Variants in MTMR7 observed in about 807,000 individuals in gnomAD.
MTMR7 encodes myotubularin related protein 7, also known as phosphatidylinositol-3-phosphate phosphatase MTMR7.
A neutral mutation model predicts 81.2 loss-of-function variants in MTMR7; 76 were observed. That is an observed-to-expected ratio of 0.94 (90% CI 0.78 to 1.13). The LOEUF (loss-of-function observed/expected upper bound fraction) is 1.13. Among genes scored for constraint, MTMR7 ranks in the 50% most tolerant of loss-of-function variants. The pLI is 0.00. For missense variants in MTMR7, 1,044 were observed against 820.0 expected, an observed-to-expected ratio of 1.27 and a Z score of -3.34; for synonymous variants, 372 against 289.8, an observed-to-expected ratio of 1.28 and a Z score of -2.88.
chr8:17,402,370 T>A (rs541730074), intron 1 of MTMR7, among the ~76,000 whole-genome samples: 18 of 152,284 alleles, frequency 1.2e-4, no homozygotes, highest in Admixed American at 4.6e-4. Context: ...TCTGTAGCCG[T>A]TAACAATTGC....
At chr8:17,327,463 T>G (rs1586194663) in intron 7 of MTMR7, among the ~76,000 whole-genome samples, 2 of 152,182 alleles carry the variant, frequency 1.3e-5, no homozygotes, top group South Asian at 4.1e-4. Flanking sequence ...AAATTTTCTG[T>G]AGAGACAGGG....
At chr8:17,309,358 A>C (rs1193532591) in intron 9 of MTMR7, 32 bp from the exon 10 acceptor site, 1 of 1,422,516 alleles carries the variant, frequency 7.0e-7, no homozygotes, top group East Asian at 2.3e-5. Flanking sequence ...TATCTTGGAG[A>C]GAAGCAAACG....
At chr8:17,398,584 G>C (rs1001183954) in intron 1 of MTMR7, among the ~76,000 whole-genome samples, 1 of 152,100 alleles carries the variant, frequency 6.6e-6, no homozygotes, top group African/African-American at 2.4e-5. Context: ...GCAAATCTAA[G>C]AGTTACTGGC....
At chr8:17,363,548 C>T (rs1820121496) in intron 3 of MTMR7, among the ~76,000 whole-genome samples, 1 of 152,284 alleles carries the variant, frequency 6.6e-6, no homozygotes, top group African/African-American at 2.4e-5. Context: ...AAGCAGATCA[C>T]TGTTGAACTA....
chr8:17,389,984 G>A (rs1266793496), intron 1 of MTMR7, among the ~76,000 whole-genome samples: 1 of 151,802 alleles, frequency 6.6e-6, no homozygotes, highest in Non-Finnish European at 1.5e-5. Context: ...AGTGCTGGGG[G>A]CACATGAATT....
chr8:17,406,138 AG>A (rs1821576209), intron 1 of MTMR7, among the ~76,000 whole-genome samples: 1 of 152,228 alleles, frequency 6.6e-6, no homozygotes, highest in African/African-American at 2.4e-5. Flanking sequence ...AAGTGACAAA[AG>A]AAAAAATAAG....
intron 3 of MTMR7, among the ~76,000 whole-genome samples, chr8:17,363,545 T>C (rs892507034): frequency 2.0e-5 from 3 of 152,184 alleles, no homozygotes; most frequent in Non-Finnish European, 4.4e-5. Flanking sequence ...ATTAAGCAGA[T>C]CACTGTTGAA....
At chr8:17,355,004 AG>A (rs1479673408) in intron 4 of MTMR7, among the ~76,000 whole-genome samples, 5 of 151,892 alleles carry the variant, frequency 3.3e-5, no homozygotes, top group African/African-American at 1.2e-4. Context: ...GCTTCTGAAA[AG>A]AAATGCTGAG....
At chr8:17,313,704 G>T (rs1053911786) in intron 7 of MTMR7, among the ~76,000 whole-genome samples, 1 of 152,044 alleles carries the variant, frequency 6.6e-6, no homozygotes, top group Non-Finnish European at 1.5e-5. Context: ...AGAAAATATC[G>T]ATTTGCCTTT....
intron 4 of MTMR7, among the ~76,000 whole-genome samples, chr8:17,351,139 A>G (rs1444458408): frequency 6.6e-6 from 1 of 152,246 alleles, no homozygotes; most frequent in Non-Finnish European, 1.5e-5. Context: ...TTTTCCTAAA[A>G]TAACAGTTTT....
chr8:17,304,397 G>T lies in MTMR7; in HGVS notation c.1475C>A (p.Pro492Gln). 6.8e-6 allele frequency: 11 copies of T among 1,612,904 alleles called. No individual in the cohort carries two copies. The highest frequency in any genetic ancestry group is 9.3e-6 in the Non-Finnish European group (11 of 1,179,092). The change falls in exon 12 of 14, where the codon CCA (proline) becomes CAA (glutamine). Residue 492 changes from proline to glutamine, a missense_variant. Physicochemically the swap from Pro to Gln is moderately conservative, Grantham distance 76. Transcript: ENST00000180173. ...TQGTLHLPTTPCNFMYKFWSG... is the reference protein window; with the variant it reads ...TQGTLHLPTTQCNFMYKFWSG... Reference sequence around the variant, plus strand: ...TACATACTTGTACATGAAGTTACATGGTGTTGTAGGGAGATGAAGGGTTCC... The same window carrying T: ...TACATACTTGTACATGAAGTTACATTGTGTTGTAGGGAGATGAAGGGTTCC...
chr8:17,379,212 G>A (rs746793235), intron 1 of MTMR7, among the ~76,000 whole-genome samples: 3 of 152,162 alleles, frequency 2.0e-5, no homozygotes, highest in African/African-American at 7.2e-5. Flanking sequence ...AGCAGGAGGG[G>A]TCCTGGAAGC....
intron 1 of MTMR7, among the ~76,000 whole-genome samples, chr8:17,380,991 G>A (rs933287883): frequency 1.3e-5 from 2 of 152,080 alleles, no homozygotes; most frequent in Non-Finnish European, 2.9e-5. Flanking sequence ...GGTATTCTCA[G>A]AACTAATGAA....
At chr8:17,301,808 T>A in intron 13 of MTMR7, 1 of 314,648 alleles carries the variant, frequency 3.2e-6, no homozygotes, top group East Asian at 5.5e-5. Flanking sequence ...GAAAGAGTTT[T>A]ACAAGTACAT....
chr8:17,343,466 C>G (rs999677993), intron 5 of MTMR7, among the ~76,000 whole-genome samples: 3 of 152,054 alleles, frequency 2.0e-5, no homozygotes, highest in African/African-American at 4.8e-5. Context: ...CAGCTGCCAC[C>G]AGACAATCTT....
chr8:17,374,781 C>T (rs1036747406), intron 1 of MTMR7, among the ~76,000 whole-genome samples: 4 of 151,808 alleles, frequency 2.6e-5, no homozygotes, highest in African/African-American at 9.7e-5. Flanking sequence ...CCACTGAACT[C>T]CAGCCTGGGT....
At chr8:17,408,932 C>T (rs149443961) in intron 1 of MTMR7, among the ~76,000 whole-genome samples, 8 of 152,200 alleles carry the variant, frequency 5.3e-5, no homozygotes, top group Admixed American at 3.3e-4. Context: ...ACTAAAACCA[C>T]TGAATTGTGC....
chr8:17,378,415 G>C (rs1820655521), intron 1 of MTMR7, among the ~76,000 whole-genome samples: 1 of 152,310 alleles, frequency 6.6e-6, no homozygotes, highest in South Asian at 2.1e-4. Flanking sequence ...ATAAATTTCA[G>C]AGTTTGGGCA....
At chr8:17,386,609 G>C (rs1216994423) in intron 1 of MTMR7, among the ~76,000 whole-genome samples, 4 of 151,244 alleles carry the variant, frequency 2.6e-5, no homozygotes, top group Admixed American at 6.7e-5. Flanking sequence ...CTCTTGGCTG[G>C]GCCCTCATTG....
Sources: allele counts gnomAD v4.1 joint callset (sites outside exome capture counted in the v4.1 genomes callset), GRCh38; gene constraint gnomAD v4.1.1; transcripts MANE v1.5; gene names NCBI Gene and HGNC (gene_info 2026-07-23, HGNC 2026-07-21).